RIN2: variants seen among roughly 807,000 people sequenced by gnomAD.
The protein encoded by RIN2 is RAB5 interacting protein 2.
In RIN2, 36 loss-of-function variants were observed where a neutral mutation model predicts 78.0. The ratio of observed to expected loss-of-function variants is 0.46; its 90% CI spans 0.35 to 0.61. RIN2 has a LOEUF of 0.61. Among genes scored for constraint, RIN2 ranks in the 20% least tolerant of loss-of-function variants. The pLI, the probability that RIN2 is intolerant of heterozygous loss-of-function variation, is 0.00. For missense variants in RIN2, 1,087 were observed against 1,159.7 expected (o/e 0.94, Z 0.91); for synonymous variants, 466 against 466.8 (o/e 1.00, Z 0.02).
chr20:19,853,606 T>C (rs1183613501), intron 2 of RIN2, among the ~76,000 whole-genome samples: 1 of 152,208 alleles, frequency 6.6e-6, no homozygotes, highest in Admixed American at 6.5e-5. Context: ...CTCATTGTGG[T>C]TTTGATTTGC....
rs1318256713 is a variant in RIN2, at chr20:19,835,012, AAAAG to A, written c.-37+35267_-37+35270del. ...AGAGAGAAAGAGAGAGAGAGAAAGA[AAAAG>A]AGAGAGAGAAAAAAGAGAAAGAGAA... is the stretch of plus-strand genomic sequence containing the variant. On this transcript the variant is annotated intron_variant, in intron 2 of 12. Transcript: ENST00000255006. Among the ~76,000 whole-genome samples, 17 of 152,068 alleles carry A rather than the reference AAAAG, an allele frequency of 1.1e-4. No individual in the cohort carries two copies. The East Asian group carries it at 1.4e-3, about 12-fold the overall frequency.
intron 1 of RIN2, among the ~76,000 whole-genome samples, chr20:19,778,489 T>C (rs757770346): frequency 3.9e-5 from 6 of 152,190 alleles, no homozygotes; most frequent in Admixed American, 2.0e-4. Flanking sequence ...ACTTTACAGA[T>C]GGGCAAACAA....
chr20:19,862,768 G>A (rs2037384293), intron 2 of RIN2, among the ~76,000 whole-genome samples: 1 of 152,170 alleles, frequency 6.6e-6, no homozygotes, highest in Admixed American at 6.5e-5. Context: ...TTCAAAGTTA[G>A]AACCAGGGCT....
chr20:19,982,771 T>C (rs1218592533), intron 9 of RIN2, among the ~76,000 whole-genome samples: 1 of 152,182 alleles, frequency 6.6e-6, no homozygotes, highest in East Asian at 1.9e-4. Flanking sequence ...CAGGGTGGGC[T>C]AGAAAGCCTG....
intron 3 of RIN2, among the ~76,000 whole-genome samples, chr20:19,902,245 A>C (rs1338374017): frequency 6.6e-6 from 1 of 152,024 alleles, no homozygotes; most frequent in Non-Finnish European, 1.5e-5. Context: ...AGGACCCAGC[A>C]CTCATTGGAC....
intron 2 of RIN2, among the ~76,000 whole-genome samples, chr20:19,833,912 A>C (rs1310929152): frequency 3.3e-5 from 5 of 152,092 alleles, no homozygotes; most frequent in Non-Finnish European, 1.5e-5. Flanking sequence ...CATCCTGCTG[A>C]GGTCCCATTC....
intron 4 of RIN2, among the ~76,000 whole-genome samples, chr20:19,937,850 T>C (rs1370749239): frequency 6.6e-6 from 1 of 152,178 alleles, no homozygotes; most frequent in Non-Finnish European, 1.5e-5. Flanking sequence ...ACCTCTGTGG[T>C]TTCTGTTGGT....
intron 2 of RIN2, among the ~76,000 whole-genome samples, chr20:19,851,039 A>AAGG (rs1568815000): frequency 6.2e-5 from 6 of 96,426 alleles, no homozygotes; most frequent in African/African-American, 2.3e-4. Flanking sequence ...GGAAGGAAGG[A>AAGG]AGGAAGGAAG....
At chr20:19,916,635 C>T (rs936436561) in intron 3 of RIN2, among the ~76,000 whole-genome samples, 3 of 152,184 alleles carry the variant, frequency 2.0e-5, no homozygotes, top group Non-Finnish European at 4.4e-5. Flanking sequence ...CAGACCACTG[C>T]TCCCCAGAAA....
intron 2 of RIN2, chr20:19,886,609 C>G (rs868817482): frequency 1.3e-6 from 1 of 776,468 alleles, no homozygotes. Flanking sequence ...TCTTCTTCTT[C>G]TTCTTTTTTT....
In RIN2 at chr20:19,906,933, C is replaced by T. The variant is rs148755411; in HGVS notation, c.57+17275C>T. The stretch of plus-strand genomic sequence containing the variant: ...CTCAATGTCTTAGACTGTTTTCTGC[C>T]GCTAAAACAGAATACCTGAGCCTGG... On this transcript the variant is annotated intron_variant, in intron 3 of 12. Coordinates refer to ENST00000255006, the MANE Select transcript of RIN2 (RefSeq NM_018993.4). Among the ~76,000 whole-genome samples, 423 of 152,186 alleles carry T rather than the reference C, an allele frequency of 2.8e-3. 2 individuals are homozygous for T. The highest frequency in any genetic ancestry group is 4.4e-3 in the Non-Finnish European group (302 of 68,018).
chr20:19,907,502 G>A (rs897544472), intron 3 of RIN2, among the ~76,000 whole-genome samples: 3 of 152,196 alleles, frequency 2.0e-5, no homozygotes, highest in South Asian at 2.1e-4. Context: ...TCACCAGAGC[G>A]AGGAAGGAAG....
At chr20:19,887,094 T>C (rs1034326156) in intron 2 of RIN2, among the ~76,000 whole-genome samples, 7 of 151,902 alleles carry the variant, frequency 4.6e-5, no homozygotes, top group African/African-American at 1.7e-4. Flanking sequence ...GGTGCGATCA[T>C]GGCTCACTGC....
chr20:19,885,709 A>G (rs2038161721), intron 2 of RIN2, among the ~76,000 whole-genome samples: 1 of 151,968 alleles, frequency 6.6e-6, no homozygotes, highest in African/African-American at 2.4e-5. Context: ...AAACGAAAAG[A>G]AAAGAAAATT....
intron 4 of RIN2, among the ~76,000 whole-genome samples, chr20:19,941,649 T>TAGTA (rs1254064634): frequency 6.6e-6 from 1 of 152,174 alleles, no homozygotes; most frequent in African/African-American, 2.4e-5. Context: ...GCTATGTCAC[T>TAGTA]GAGGATTCTC....
intron 11 of RIN2, 53 bp from the exon 12 acceptor site, chr20:19,996,626 A>T: frequency 6.3e-7 from 1 of 1,582,780 alleles, no homozygotes; most frequent in Non-Finnish European, 8.7e-7. Flanking sequence ...CCCTGTTATC[A>T]CCCGTGAGCG....
At chr20:19,762,389 T>A (rs1173542082) in intron 1 of RIN2, among the ~76,000 whole-genome samples, 1 of 152,186 alleles carries the variant, frequency 6.6e-6, no homozygotes, top group Non-Finnish European at 1.5e-5. Context: ...CGGAAAGTGA[T>A]CAAAGAGGCA....
intron 4 of RIN2, among the ~76,000 whole-genome samples, chr20:19,949,624 G>C (rs1304660509): frequency 6.6e-6 from 1 of 152,102 alleles, no homozygotes; most frequent in African/African-American, 2.4e-5. Flanking sequence ...GTGTATTTTT[G>C]CCTTATTGTC....
chr20:19,904,264 AT>A (rs1219608050), intron 3 of RIN2, among the ~76,000 whole-genome samples: 2 of 147,374 alleles, frequency 1.4e-5, no homozygotes, highest in Non-Finnish European at 3.0e-5. Flanking sequence ...TATATATAAA[AT>A]ATATATATAT....
Sources: allele counts gnomAD v4.1 joint callset (sites outside exome capture counted in the v4.1 genomes callset), GRCh38; gene constraint gnomAD v4.1.1; transcripts MANE v1.5; gene names NCBI Gene and HGNC (gene_info 2026-07-23, HGNC 2026-07-21).